The following SMYD3 variants were observed in gnomAD, a reference collection of about 807,000 sequenced individuals.
SMYD3 encodes histone-lysine N-methyltransferase SMYD3.
Under a neutral mutation model 57.7 loss-of-function variants are expected in SMYD3, and 36 were observed. That is an observed-to-expected ratio of 0.62 (90% CI 0.48 to 0.82). The LOEUF (loss-of-function observed/expected upper bound fraction) is 0.82, where lower values mean the gene tolerates loss of function less well. Ranked by LOEUF, SMYD3 falls within the 40% of genes least tolerant of loss-of-function variation. The pLI is 0.00. For missense variants in SMYD3, 515 were observed against 538.8 expected (o/e 0.96, Z 0.44); for synonymous variants, 211 against 195.0 (o/e 1.08, Z -0.68).
intron 1 of SMYD3, among the ~76,000 whole-genome samples, chr1:246,441,040 G>T (rs183783246): frequency 1.3e-5 from 2 of 152,158 alleles, no homozygotes; most frequent in Non-Finnish European, 2.9e-5. Flanking sequence ...TTACGTAGAA[G>T]TAAATTATAG....
intron 5 of SMYD3, among the ~76,000 whole-genome samples, chr1:246,083,603 G>A (rs1005294327): frequency 1.3e-5 from 2 of 152,074 alleles, no homozygotes; most frequent in South Asian, 2.1e-4. Context: ...AACAAGAAAC[G>A]CCCACAAGTG....
At chr1:245,772,067 C>T (rs1157641903) in intron 10 of SMYD3, among the ~76,000 whole-genome samples, 1 of 152,150 alleles carries the variant, frequency 6.6e-6, no homozygotes, top group Non-Finnish European at 1.5e-5. Flanking sequence ...GCCGTGAATT[C>T]TTGTTTCCAA....
intron 1 of SMYD3, among the ~76,000 whole-genome samples, chr1:246,411,837 A>AG (rs936653062): frequency 2.2e-5 from 1 of 45,056 alleles, no homozygotes. Flanking sequence ...GGGTTGGGGG[A>AG]GGGGGGAGGG....
At chr1:246,421,069 G>A (rs1312717908) in intron 1 of SMYD3, among the ~76,000 whole-genome samples, 4 of 152,090 alleles carry the variant, frequency 2.6e-5, no homozygotes, top group African/African-American at 9.7e-5. Context: ...TATCTGATAG[G>A]TAAGGGTCAA....
intron 3 of SMYD3, among the ~76,000 whole-genome samples, chr1:246,332,413 G>A (rs1488714015): frequency 1.3e-5 from 2 of 152,234 alleles, no homozygotes; most frequent in African/African-American, 4.8e-5. Context: ...CTTCAATTCT[G>A]TGAAGGCTGA....
intron 2 of SMYD3, among the ~76,000 whole-genome samples, chr1:246,354,035 G>C (rs1488761340): frequency 1.3e-5 from 2 of 152,176 alleles, no homozygotes; most frequent in African/African-American, 4.8e-5. Flanking sequence ...AAATGAGAGA[G>C]AAGAAAACCC....
intron 2 of SMYD3, among the ~76,000 whole-genome samples, chr1:246,341,573 C>G (rs559991293): frequency 6.6e-6 from 1 of 152,060 alleles, no homozygotes; most frequent in Non-Finnish European, 1.5e-5. Flanking sequence ...TAAGGCCATA[C>G]AAAAAGAAGA....
chr1:246,058,937 T>G (rs1480574511), intron 5 of SMYD3, among the ~76,000 whole-genome samples: 2 of 151,532 alleles, frequency 1.3e-5, no homozygotes, highest in Non-Finnish European at 2.9e-5. Context: ...TGCAGTGGCA[T>G]GATCTCCGCT....
chr1:246,182,475 G>T (rs986718947), intron 5 of SMYD3, among the ~76,000 whole-genome samples: 3 of 152,080 alleles, frequency 2.0e-5, no homozygotes, highest in African/African-American at 7.2e-5. Flanking sequence ...AAGTGATAAC[G>T]TCACAGGCTC....
intron 1 of SMYD3, among the ~76,000 whole-genome samples, chr1:246,384,382 G>A (rs1173461399): frequency 6.6e-6 from 1 of 151,998 alleles, no homozygotes; most frequent in Non-Finnish European, 1.5e-5. Context: ...AACAAAATTA[G>A]ATTATATTTA....
chr1:246,188,941 C>G (rs1307829642), intron 5 of SMYD3: 1 of 147,674 alleles, frequency 6.8e-6, no homozygotes, highest in Non-Finnish European at 1.5e-5. Flanking sequence ...GCCTGCGTGA[C>G]AGAGCAAGAC....
chr1:246,334,511 G>T (rs1279526308), intron 3 of SMYD3, among the ~76,000 whole-genome samples: 1 of 152,012 alleles, frequency 6.6e-6, no homozygotes, highest in Non-Finnish European at 1.5e-5. Flanking sequence ...CTACATATTG[G>T]GTGGACATGG....
chr1:245,932,046 AT>A (rs1572724159), intron 5 of SMYD3, among the ~76,000 whole-genome samples: 1 of 152,236 alleles, frequency 6.6e-6, no homozygotes, highest in Non-Finnish European at 1.5e-5. Flanking sequence ...CCTACGTTTA[AT>A]TTTTGAAATT....
At chr1:245,789,890 A>G (rs1259972562) in intron 10 of SMYD3, among the ~76,000 whole-genome samples, 6 of 152,274 alleles carry the variant, frequency 3.9e-5, no homozygotes, top group Non-Finnish European at 5.9e-5. Context: ...AAGTGAAACT[A>G]GAATTCATTG....
rs999582543 is a variant in SMYD3 at position 245,809,645 on chromosome 1, G to A, written c.1077-45496C>T. ...CCCAAGTAAAGGCTGAAAGCTTGGC[G>A]TGGTTAGGAGGCAAGACGCAGAAAA... On this transcript the variant is annotated intron_variant, in intron 10 of 11. Coordinates refer to ENST00000490107, the MANE Select transcript of SMYD3 (RefSeq NM_001167740.2). Among the ~76,000 whole-genome samples, 8 of 152,350 alleles carry A rather than the reference G, an allele frequency of 5.3e-5. No homozygotes were observed. The East Asian group carries it at 1.2e-3, about 22-fold the overall frequency.
intron 5 of SMYD3, among the ~76,000 whole-genome samples, chr1:246,265,729 T>C (rs2064093764): frequency 6.6e-6 from 1 of 152,218 alleles, no homozygotes; most frequent in Admixed American, 6.5e-5. Context: ...GAGCTCATCA[T>C]CCAGCCTGTA....
chr1:245,979,033 G>A (rs571089302), intron 5 of SMYD3, among the ~76,000 whole-genome samples: 2 of 152,246 alleles, frequency 1.3e-5, no homozygotes, highest in East Asian at 3.9e-4. Flanking sequence ...TTTATGGAAC[G>A]TGGCTCTCTG....
At chr1:245,863,731 C>A in intron 9 of SMYD3, 68 bp downstream of exon 9, 2 of 1,479,058 alleles carry the variant, frequency 1.4e-6, no homozygotes, top group Non-Finnish European at 1.9e-6. Context: ...GACCTCATTA[C>A]GACAGGGCTT....
At chr1:245,939,807 T>C (rs2057150373) in intron 5 of SMYD3, among the ~76,000 whole-genome samples, 1 of 152,182 alleles carries the variant, frequency 6.6e-6, no homozygotes, top group African/African-American at 2.4e-5. Flanking sequence ...ACAGTCCCAC[T>C]GCTTAGAATG....
Sources: allele counts gnomAD v4.1 joint callset (sites outside exome capture counted in the v4.1 genomes callset), GRCh38; gene constraint gnomAD v4.1.1; transcripts MANE v1.5; gene names NCBI Gene and HGNC (gene_info 2026-07-23, HGNC 2026-07-21).